The following CSNK1A1 variants were observed in gnomAD, a reference collection of about 807,000 sequenced individuals.
The protein encoded by CSNK1A1 is casein kinase I isoform alpha.
A neutral mutation model predicts 46.1 loss-of-function variants in CSNK1A1; 7 were observed. That is an observed-to-expected ratio of 0.15 (90% confidence interval 0.09 to 0.29). The LOEUF is 0.29. CSNK1A1 is among the 10% of genes least tolerant of loss of function. CSNK1A1 has a pLI of 1.00. For missense variants in CSNK1A1, 96 were observed against 417.1 expected (o/e 0.23, Z 6.71); for synonymous variants, 137 against 141.5 (o/e 0.97, Z 0.23).
intron 2 of CSNK1A1, among the ~76,000 whole-genome samples, chr5:149,546,631 C>CA (rs1184175774): frequency 0.016 from 1,815 of 110,218 alleles, 14 homozygotes; most frequent in Non-Finnish European, 0.018. Flanking sequence ...GACTCCATGT[C>CA]AAAAAAAAAA....
In CSNK1A1 at chr5:149,496,769, A is replaced by T. The variant is rs1355131718; in HGVS notation, c.*84T>A. 1 of 1,525,950 alleles carries T rather than the reference A, an allele frequency of 6.6e-7. No individual in the cohort carries two copies. Among genetic ancestry groups the T allele is most frequent in the Admixed American group, 2.3e-5 (1 of 44,094 alleles). 94.5% of individuals were successfully genotyped at this position (1,525,950 alleles called of 1,614,324 possible). On this transcript the variant is annotated 3_prime_UTR_variant, in exon 10 of 10. Transcript: ENST00000377843. ...TGTCCACAACCACTGGCTAGTGTAC[A>T]TATGAACTAAAATTTCTAGATTTGG...
chr5:149,549,657 T>C (rs1762594275), intron 2 of CSNK1A1: 2 of 633,002 alleles, frequency 3.2e-6, no homozygotes, highest in Non-Finnish European at 5.8e-6. Flanking sequence ...AGAGCAGCCA[T>C]TTCCCAAGCC....
chr5:149,498,788 C>T, intron 9 of CSNK1A1: 1 of 982,908 alleles, frequency 1.0e-6, no homozygotes, highest in Non-Finnish European at 1.2e-6. Context: ...AAAGGGAAAA[C>T]CACCATCACT....
rs1761363782 is a variant in CSNK1A1 at position 149,515,238 on chromosome 5, T to C, written c.457-2029A>G. ...TCACATTTTCTAGGATTGCTTCCTT[T>C]GGTACTTTAAAATGAAGGACAAAAG... On this transcript the variant is annotated intron_variant, in intron 4 of 9. Coordinates refer to ENST00000377843, the MANE Select transcript of CSNK1A1 (RefSeq NM_001892.6). Among the ~76,000 whole-genome samples the C allele has an allele frequency of 2.0e-5, 3 of 152,232 alleles. No homozygotes were observed. In the South Asian group the frequency reaches 6.2e-4, roughly 31 times the overall value.
Position 149,551,161 on chromosome 5 carries a change from G to T in CSNK1A1, c.-197C>A. The stretch of plus-strand genomic sequence containing the variant: ...CCGCCGCTCAGTCAGGTTTCTTTTT[G>T]CCAGGCCGCAGTTTGTGAAGGGCTT... On this transcript the variant is annotated 5_prime_UTR_variant, in exon 1 of 10. Coordinates refer to ENST00000377843, the MANE Select transcript of CSNK1A1 (RefSeq NM_001892.6). 1 of 481,694 alleles carries T rather than the reference G, an allele frequency of 2.1e-6. No individual in the cohort carries two copies. Among genetic ancestry groups the T allele is most frequent in the African/African-American group, 2.0e-5 (1 of 49,914 alleles). 29.8% of individuals were successfully genotyped at this position (481,694 alleles called of 1,614,324 possible).
intron 9 of CSNK1A1, chr5:149,504,227 T>C (rs1760959441): frequency 2.0e-6 from 2 of 985,334 alleles, no homozygotes; most frequent in African/African-American, 3.5e-5. Context: ...CTTTGAATCC[T>C]TCCCAAATAC....
At chr5:149,511,671 G>T in intron 6 of CSNK1A1, 123 bp downstream of exon 6, 1 of 686,534 alleles carries the variant, frequency 1.5e-6, no homozygotes, top group Non-Finnish European at 2.4e-6. Context: ...GTAAATTAAG[G>T]TTAATTCTTT....
At chr5:149,503,004 G>T in intron 9 of CSNK1A1, 1 of 900,980 alleles carries the variant, frequency 1.1e-6, no homozygotes, top group Non-Finnish European at 1.3e-6. Flanking sequence ...GGCCTCAAGT[G>T]ATCTGCTTGC....
At chr5:149,497,610 G>T in intron 9 of CSNK1A1, 1 of 985,420 alleles carries the variant, frequency 1.0e-6, no homozygotes, top group Middle Eastern at 5.2e-4. Context: ...TACAGCTAAA[G>T]GCAAAGGGAG....
chr5:149,512,932 G>A, intron 5 of CSNK1A1, 138 bp downstream of exon 5: 1 of 1,015,612 alleles, frequency 9.8e-7, no homozygotes, highest in Non-Finnish European at 1.4e-6. Context: ...TAAAGCAGCA[G>A]GTAAAATGAT....
chr5:149,550,768 T>G lies in CSNK1A1; in HGVS notation c.123+74A>C. 1 of 1,601,474 alleles carries G rather than the reference T, an allele frequency of 6.2e-7. No homozygotes were observed. The highest frequency in any genetic ancestry group is 2.2e-5 in the East Asian group (1 of 44,694). ...GCGATGAGGAGAGGCCCGAGCACTT[T>G]GGGGGTGCACGGTGGTGGTGGGGGG... On this transcript the variant is annotated intron_variant, in intron 1 of 9. Transcript: ENST00000377843. The surrounding 1 kb of genome is among the most constrained non-coding windows in gnomAD (Gnocchi z 4.3).
chr5:149,521,680 A>G (rs753165171), intron 3 of CSNK1A1, among the ~76,000 whole-genome samples: 24 of 150,968 alleles, frequency 1.6e-4, no homozygotes, highest in Non-Finnish European at 3.1e-4. Flanking sequence ...GCAGTGGTGC[A>G]ATTTTGGCTC....
chr5:149,549,773 C>T (rs991908834), intron 2 of CSNK1A1, among the ~76,000 whole-genome samples: 2 of 152,198 alleles, frequency 1.3e-5, no homozygotes, highest in African/African-American at 4.8e-5. Context: ...GTAAAAAAGG[C>T]AGCAGCCAAC....
rs545599807 is a variant in CSNK1A1, at chr5:149,538,084, G to A, written c.230+11991C>T. 5.6e-4 allele frequency among the ~76,000 whole-genome samples: 81 copies of A among 145,262 alleles called. 3 individuals carry two copies. The South Asian group carries it at 0.016, about 28-fold the overall frequency. On this transcript the variant is annotated intron_variant, in intron 2 of 9. Coordinates refer to ENST00000377843, the MANE Select transcript of CSNK1A1 (RefSeq NM_001892.6). The stretch of plus-strand genomic sequence containing the variant: ...GTTGCCCGGGCTGGAGTGCAATGGC[G>A]CGATCCTGGCTCACTGCAACCTCCG...
At chr5:149,521,270 C>CT (rs909460651) in intron 3 of CSNK1A1, among the ~76,000 whole-genome samples, 7,362 of 123,892 alleles carry the variant, frequency 0.059, 295 homozygotes, top group South Asian at 0.1. Flanking sequence ...ATTTACTCTT[C>CT]TTTTTTTTTT....
intron 8 of CSNK1A1, among the ~76,000 whole-genome samples, chr5:149,506,215 T>C (rs1363317091): frequency 6.8e-6 from 1 of 147,994 alleles, no homozygotes; most frequent in Non-Finnish European, 1.5e-5. Flanking sequence ...GTGTGAGCCA[T>C]TGCACCTGGC....
Position 149,550,158 on chromosome 5 carries a change from A to C in CSNK1A1, c.147T>G (p.Ser49=). 1 of 1,613,866 alleles carries C rather than the reference A, an allele frequency of 6.2e-7. No homozygotes were observed. The highest frequency in any genetic ancestry group is 1.3e-5 in the African/African-American group (1 of 75,018). Residue 49 remains serine (S), a synonymous_variant, in exon 2 of 10, where the codon TCT becomes TCG. Coordinates refer to ENST00000377843, the MANE Select transcript of CSNK1A1 (RefSeq NM_001892.6). This position sits in a 1 kb window ranked among gnomAD's most constrained non-coding sequence, Gnocchi z 4.3. ...GCAACTGGGGATGCCTGGCCTTCTG[A>C]GATTCTAGCTTCACTGCCACTTCCT... The part of the protein sequence containing the change: ...NGEEVAVKLE[S]QKARHPQLLY...
At chr5:149,520,454 G>A in intron 3 of CSNK1A1, 66 bp from the exon 4 acceptor site, 1 of 851,882 alleles carries the variant, frequency 1.2e-6, no homozygotes, top group Non-Finnish European at 1.9e-6. Context: ...CATTTCTTAA[G>A]TATTTCAGTA....
intron 2 of CSNK1A1, among the ~76,000 whole-genome samples, chr5:149,544,964 C>T (rs1762425759): frequency 1.3e-5 from 2 of 150,874 alleles, no homozygotes; most frequent in South Asian, 2.1e-4. Flanking sequence ...TGTGAAACCC[C>T]GTCTCTACTA....
Sources: gnomAD v4.1 joint callset for allele counts (sites outside exome capture counted in the v4.1 genomes callset) on GRCh38, gnomAD v4.1.1 for gene constraint, Gnocchi (gnomAD v3.1) non-coding constraint, MANE v1.5 for transcripts, NCBI Gene and HGNC (gene_info 2026-07-23, HGNC 2026-07-21) for gene names.